The following SMOC2 variants were observed in gnomAD, a reference collection of about 807,000 sequenced individuals.
SMOC2 encodes SPARC related modular calcium binding 2.
In SMOC2, 39 loss-of-function variants were observed where a neutral mutation model predicts 61.4. That is an observed-to-expected ratio of 0.64 (90% confidence interval 0.49 to 0.83). The LOEUF (loss-of-function observed/expected upper bound fraction) is 0.83. Among genes scored for constraint, SMOC2 ranks in the 40% least tolerant of loss-of-function variants. The pLI is 0.00. For missense variants in SMOC2, 556 were observed against 592.9 expected, an observed-to-expected ratio of 0.94 and a Z score of 0.65; for synonymous variants, 247 against 239.9, an observed-to-expected ratio of 1.03 and a Z score of -0.27.
At chr6:168,448,248 C>T (rs183334824) in intron 1 of SMOC2, among the ~76,000 whole-genome samples, 3 of 147,992 alleles carry the variant, frequency 2.0e-5, no homozygotes, top group East Asian at 4.2e-4. Flanking sequence ...TTGAGCAGCC[C>T]TCCTGGTGGT....
chr6:168,665,299 G>GAGATC, intron 12 of SMOC2: 1 of 153,990 alleles, frequency 6.5e-6, no homozygotes, highest in Non-Finnish European at 1.4e-5. Context: ...TAGTGCCTGC[G>GAGATC]TGGACACGCG....
chr6:168,599,673 C>T (rs1785479891), intron 8 of SMOC2, among the ~76,000 whole-genome samples: 1 of 141,690 alleles, frequency 7.1e-6, no homozygotes, highest in Admixed American at 7.2e-5. Flanking sequence ...CACACACTCC[C>T]CTACACACTC....
chr6:168,442,922 C>T (rs1174902493), intron 1 of SMOC2, among the ~76,000 whole-genome samples: 2 of 152,208 alleles, frequency 1.3e-5, no homozygotes, highest in Non-Finnish European at 2.9e-5. Context: ...CCTTTATCTC[C>T]CCAGAGGGGG....
Position 168,441,325 on chromosome 6 carries a change from G to T in SMOC2, c.-46G>T. 6.7e-7 allele frequency: 1 copy of T among 1,489,136 alleles called. No homozygotes were observed. Among genetic ancestry groups the T allele is most frequent in the Non-Finnish European group, 8.9e-7 (1 of 1,127,032 alleles). The allele number at this position is 1,489,136 out of a possible 1,614,324, so 92.2% of individuals were successfully genotyped here. ...CTGGGCTCTCCCGGCTGCAGTGCCA[G>T]GGCGCAGGACGCGGCCGATCTCCCG... On this transcript the variant is annotated 5_prime_UTR_variant, in exon 1 of 13. It adds an upstream start codon to the 5' untranslated region. Transcript: ENST00000356284.
intron 1 of SMOC2, among the ~76,000 whole-genome samples, chr6:168,467,136 A>ACAC (rs1781853992): frequency 9.7e-5 from 13 of 133,430 alleles, no homozygotes; most frequent in East Asian, 2.3e-4. Flanking sequence ...AGTGCTCTCA[A>ACAC]ACACACACAC....
chr6:168,571,610 G>A (rs1583120811), intron 7 of SMOC2, among the ~76,000 whole-genome samples: 1 of 152,260 alleles, frequency 6.6e-6, no homozygotes, highest in Admixed American at 6.5e-5. Flanking sequence ...GAATAGATTC[G>A]TATACTGTGT....
chr6:168,502,806 G>A (rs981755107), intron 1 of SMOC2, among the ~76,000 whole-genome samples: 6 of 151,704 alleles, frequency 4.0e-5, no homozygotes, highest in East Asian at 1.9e-4. Context: ...TTGCTCTGTC[G>A]CCCAGGCTGG....
At chr6:168,510,972 G>A (rs555032546) in intron 2 of SMOC2, among the ~76,000 whole-genome samples, 121 of 152,256 alleles carry the variant, frequency 7.9e-4, no homozygotes, top group African/African-American at 2.5e-3. Flanking sequence ...ATGACAGACC[G>A]CATGTCCAGC....
intron 1 of SMOC2, among the ~76,000 whole-genome samples, chr6:168,473,398 C>T (rs1413476978): frequency 6.6e-6 from 1 of 152,044 alleles, no homozygotes; most frequent in Non-Finnish European, 1.5e-5. Context: ...CAGCACCGCC[C>T]TTACCTGCCA....
In SMOC2 at chr6:168,552,657, G is replaced by A. The variant is rs1338650434; in HGVS notation, c.637+3454G>A. 3.3e-5 allele frequency among the ~76,000 whole-genome samples: 5 copies of A among 152,312 alleles called. No homozygotes were observed. The South Asian group carries it at 1.0e-3, about 32-fold the overall frequency. ...ATATAATGATAGTAGTCTTTTAAAA[G>A]GGACTATTTTTACAAAGGAAAATAA... On this transcript the variant is annotated intron_variant, in intron 7 of 12. Coordinates refer to ENST00000356284, the MANE Select transcript of SMOC2 (RefSeq NM_001166412.2).
chr6:168,651,680 A>G (rs1787197046), intron 10 of SMOC2, among the ~76,000 whole-genome samples: 2 of 152,188 alleles, frequency 1.3e-5, no homozygotes, highest in Non-Finnish European at 2.9e-5. Context: ...TCTGTCTGCT[A>G]AAGAAGACTT....
chr6:168,569,625 G>A (rs1384743872), intron 7 of SMOC2, among the ~76,000 whole-genome samples: 1 of 152,038 alleles, frequency 6.6e-6, no homozygotes, highest in Non-Finnish European at 1.5e-5. Context: ...TTTTATTTTT[G>A]TAGAGACAGG....
intron 9 of SMOC2, among the ~76,000 whole-genome samples, chr6:168,619,950 C>T (rs1404552436): frequency 6.6e-6 from 1 of 152,226 alleles, no homozygotes; most frequent in Admixed American, 6.5e-5. Context: ...CTCCGGCAGG[C>T]CGTTGTCCAG....
At chr6:168,568,272 G>A (rs960632784) in intron 7 of SMOC2, among the ~76,000 whole-genome samples, 4 of 152,202 alleles carry the variant, frequency 2.6e-5, no homozygotes, top group African/African-American at 9.6e-5. Context: ...CTTCTCCTCA[G>A]GGGTGGAACA....
chr6:168,564,213 C>A (rs1784490847), intron 7 of SMOC2, among the ~76,000 whole-genome samples: 1 of 151,988 alleles, frequency 6.6e-6, no homozygotes, highest in Non-Finnish European at 1.5e-5. Context: ...CAAGTCCTTA[C>A]CAGATTTATG....
intron 1 of SMOC2, among the ~76,000 whole-genome samples, chr6:168,458,846 G>C (rs1781652537): frequency 6.6e-6 from 1 of 152,234 alleles, no homozygotes. Flanking sequence ...AGAGCAGGAA[G>C]ATGTTTGCTT....
At position 168,652,994 on chromosome 6, in the gene SMOC2, G is replaced by T; in HGVS notation, c.1051G>T (p.Val351Leu). 1 of 1,613,996 alleles carries T rather than the reference G, an allele frequency of 6.2e-7. No homozygotes were observed. Among genetic ancestry groups the T allele is most frequent in the Non-Finnish European group, 8.5e-7 (1 of 1,179,978 alleles). Residue 351 changes from valine to leucine, a missense_variant, in exon 11 of 13, where the codon GTG (valine) becomes TTG (leucine). Transcript: ENST00000356284. ...PDPSHTLEER[V>L]VHWYFKLLDK... ...CCCCAGCCATACCCTAGAGGAGCGG[G>T]TGGTGCACTGGTACTTCAAACTACT...
chr6:168,542,698 G>C (rs911647934), intron 4 of SMOC2, among the ~76,000 whole-genome samples: 1 of 152,116 alleles, frequency 6.6e-6, no homozygotes, highest in Non-Finnish European at 1.5e-5. Flanking sequence ...GCGCCTTGAA[G>C]TTACTCCGTT....
chr6:168,453,458 GTGTCTCTCAGTTC>G lies in SMOC2; in HGVS notation c.84+12017_84+12029del, dbSNP rs980937017. ...GCTCTCTCTTTCTCTCTGTCTCTGT[GTGTCTCTCAGTTC>G]TGTCTCTCAGTTTCTGCCATTCTCT... On this transcript the variant is annotated intron_variant, in intron 1 of 12. Coordinates refer to ENST00000356284, the MANE Select transcript of SMOC2 (RefSeq NM_001166412.2). The surrounding 1 kb of genome is among the most constrained non-coding windows in gnomAD (Gnocchi z 4.4). 3.9e-5 allele frequency among the ~76,000 whole-genome samples: 6 copies of G among 152,010 alleles called. No individual in the cohort carries two copies. Among genetic ancestry groups the G allele is most frequent in the African/African-American group, 4.8e-5 (2 of 41,392 alleles).
Sources: gnomAD v4.1 joint callset for allele counts (sites outside exome capture counted in the v4.1 genomes callset) on GRCh38, gnomAD v4.1.1 for gene constraint, Gnocchi (gnomAD v3.1) non-coding constraint, MANE v1.5 for transcripts, NCBI Gene and HGNC (gene_info 2026-07-23, HGNC 2026-07-21) for gene names.